CIMAP2: variants seen among roughly 807,000 people sequenced by gnomAD.
CIMAP2 encodes the protein ciliary microtubule-associated protein 2.
At chr1:54,806,240 T>C in the CIMAP2 span, 1 of 1,506,592 alleles carries the variant, frequency 6.6e-7, no homozygotes, top group East Asian at 2.6e-5. Context: ...GTTTGCGTCC[T>C]GGGCTCACGC....
At chr1:54,837,624 G>A in the CIMAP2 span, among the ~76,000 whole-genome samples, 3 of 152,160 alleles carry the variant, frequency 2.0e-5, no homozygotes, top group Non-Finnish European at 4.4e-5. Context: ...CATTCCAGGT[G>A]CCTGCCCACT....
chr1:54,806,426 A>C, the CIMAP2 span, among the ~76,000 whole-genome samples: 1 of 152,176 alleles, frequency 6.6e-6, no homozygotes, highest in African/African-American at 2.4e-5. Flanking sequence ...TTCCCTGCCC[A>C]GGGTTCTTTT....
chr1:54,839,024 C>T, the CIMAP2 span, among the ~76,000 whole-genome samples: 1 of 152,188 alleles, frequency 6.6e-6, no homozygotes, highest in Non-Finnish European at 1.5e-5. Context: ...AGGCCTGGGC[C>T]ATTTTTGCTC....
chr1:54,806,210 C>T, the CIMAP2 span: 1 of 1,536,956 alleles, frequency 6.5e-7, no homozygotes, highest in Non-Finnish European at 8.7e-7. Flanking sequence ...CTTCGGGGTG[C>T]AGAGCCACAG....
At chr1:54,833,872 G>C in the CIMAP2 span, among the ~76,000 whole-genome samples, 3 of 151,816 alleles carry the variant, frequency 2.0e-5, no homozygotes, top group Non-Finnish European at 4.4e-5. Context: ...TCTTGAGATG[G>C]AGTCACGCAC....
At chr1:54,807,991 C>T in the CIMAP2 span, 64 of 1,586,764 alleles carry the variant, frequency 4.0e-5, no homozygotes, top group Middle Eastern at 1.2e-3. Flanking sequence ...TGGGGAGGTT[C>T]GCTTCCGAGG....
chr1:54,811,766 C>CCGGGGGGGGGGCGGCCCCG, the CIMAP2 span: 1 of 1,305,190 alleles, frequency 7.7e-7, no homozygotes, highest in Non-Finnish European at 1.1e-6. Flanking sequence ...GTTCTGACAG[C>CCGGGGGGGGGGCGGCCCCG]CTCCATGCCC....
the CIMAP2 span, among the ~76,000 whole-genome samples, chr1:54,811,520 A>C: frequency 6.6e-6 from 1 of 152,134 alleles, no homozygotes; most frequent in African/African-American, 2.4e-5. Flanking sequence ...TATGTTGGCC[A>C]AAGTGTGCAA....
At chr1:54,822,382 GT>G in the CIMAP2 span, among the ~76,000 whole-genome samples, 62 of 142,684 alleles carry the variant, frequency 4.3e-4, no homozygotes, top group South Asian at 3.1e-3. Flanking sequence ...CTTTGTATTG[GT>G]TTTTTTTTTT....
the CIMAP2 span, chr1:54,811,941 C>T: frequency 4.8e-3 from 7,691 of 1,614,086 alleles, 21 homozygotes; most frequent in Non-Finnish European, 5.9e-3. Context: ...GGTACCCCCT[C>T]GGCTGGCCAG....
chr1:54,830,259 G>A, the CIMAP2 span, among the ~76,000 whole-genome samples: 1 of 151,744 alleles, frequency 6.6e-6, no homozygotes, highest in Non-Finnish European at 1.5e-5. The surrounding 1 kb of genome is among the most constrained non-coding windows in gnomAD (Gnocchi z 4.1). Context: ...TTTTGCTTTT[G>A]TTGCCCAGGA....
the CIMAP2 span, among the ~76,000 whole-genome samples, chr1:54,824,877 A>G: frequency 6.6e-6 from 1 of 151,296 alleles, no homozygotes; most frequent in African/African-American, 2.4e-5. Context: ...GGCATTTCAT[A>G]GATTTCCTTT....
chr1:54,812,470 G>A, the CIMAP2 span, among the ~76,000 whole-genome samples: 2 of 152,244 alleles, frequency 1.3e-5, no homozygotes, highest in Non-Finnish European at 2.9e-5. Flanking sequence ...GGCATGAAGT[G>A]CCCAGGAGGT....
At chr1:54,811,772 T>TTCCCCCCCCCCCCCCCCCCCCCCCCCCCC in the CIMAP2 span, 2 of 454,868 alleles carry the variant, frequency 4.4e-6, no homozygotes, top group Non-Finnish European at 8.7e-6. Context: ...ACAGCCTCCA[T>TTCCCCCCCCCCCCCCCCCCCCCCCCCCCC]GCCCCCACCC....
At chr1:54,811,775 C>CGGGGGGGGGG in the CIMAP2 span, 1 of 484,770 alleles carries the variant, frequency 2.1e-6, no homozygotes, top group Non-Finnish European at 4.0e-6. Context: ...GCCTCCATGC[C>CGGGGGGGGGG]CCCACCCCCG....
At chr1:54,813,617 T>C in the CIMAP2 span, among the ~76,000 whole-genome samples, 1 of 152,108 alleles carries the variant, frequency 6.6e-6, no homozygotes, top group African/African-American at 2.4e-5. Flanking sequence ...GACCCGCTGG[T>C]TGGGGAAAGA....
chr1:54,819,368 G>A, the CIMAP2 span, among the ~76,000 whole-genome samples: 1 of 152,154 alleles, frequency 6.6e-6, no homozygotes, highest in Non-Finnish European at 1.5e-5. Flanking sequence ...TGGGTGAGGA[G>A]TCAGCAGGAG....
At chr1:54,810,625 C>T in the CIMAP2 span, among the ~76,000 whole-genome samples, 1 of 152,196 alleles carries the variant, frequency 6.6e-6, no homozygotes, top group East Asian at 1.9e-4. Context: ...TAGGGCATGG[C>T]TGAGCCATCT....
At chr1:54,814,865 G>C in the CIMAP2 span, 1 of 1,611,746 alleles carries the variant, frequency 6.2e-7, no homozygotes. Flanking sequence ...GGCCCAGGCT[G>C]ACACTGCCAG....
Sources: gnomAD v4.1 joint callset for allele counts (sites outside exome capture counted in the v4.1 genomes callset) on GRCh38, gnomAD v4.1.1 for gene constraint, Gnocchi (gnomAD v3.1) non-coding constraint, MANE v1.5 for transcripts, NCBI Gene and HGNC (gene_info 2026-07-23, HGNC 2026-07-21) for gene names.